Variants in MARCKS observed in about 807,000 individuals in gnomAD.
MARCKS encodes myristoylated alanine-rich C-kinase substrate.
In MARCKS, 4 loss-of-function variants were observed where a neutral mutation model predicts 6.3. The observed-to-expected ratio is 0.63, with a 90% CI of 0.31 to 1.45. MARCKS has a LOEUF of 1.45. MARCKS is among the 40% of genes most tolerant of loss of function. MARCKS has a pLI of 0.07. For synonymous variants in MARCKS, 289 were observed against 236.5 expected (o/e 1.22, Z -2.04); for missense variants, 636 against 485.7 (o/e 1.31, Z -2.91).
Position 113,860,031 on chromosome 6 carries a change from C to A in MARCKS, c.451C>A (p.Pro151Thr). 6.4e-7 allele frequency: 1 copy of A among 1,570,812 alleles called. No homozygotes were observed. The highest frequency in any genetic ancestry group is 8.6e-7 in the Non-Finnish European group (1 of 1,162,372). ...GATPSPSNET[P>T]KKKKKRFSFK... The stretch of plus-strand genomic sequence containing the variant: ...CACGCCCTCGCCCAGCAACGAGACC[C>A]CGAAAAAAAAAAAGAAGCGCTTTTC... Residue 151 changes from proline (P) to threonine (T), a missense_variant, in exon 2 of 2, where the codon CCG becomes ACG. Transcript: ENST00000612661.
At position 113,860,596 on chromosome 6, in the gene MARCKS, G is replaced by T; in HGVS notation, c.*17G>T. 6.6e-7 allele frequency: 1 copy of T among 1,521,732 alleles called. No homozygotes were observed. 94.3% of individuals were successfully genotyped at this position (1,521,732 alleles called of 1,614,324 possible). A position where few individuals can be genotyped will look rare whatever the true frequency, so the allele number is the denominator to read the frequency against. ...GCAGAGTAAAAGAGCAAGCTTTTGT[G>T]AGATAATCGAAGAACTTTTCTCCCC... On this transcript the variant is annotated 3_prime_UTR_variant, in exon 2 of 2. Coordinates refer to ENST00000612661, the MANE Select transcript of MARCKS (RefSeq NM_002356.7).
intron 1 of MARCKS, among the ~76,000 whole-genome samples, chr6:113,858,275 G>T (rs1294245134): frequency 6.6e-6 from 1 of 151,738 alleles, no homozygotes; most frequent in African/African-American, 2.4e-5. Context: ...GCGGGGGGGG[G>T]AGTCGGGAAA....
At chr6:113,858,279 C>A (rs1774819709) in intron 1 of MARCKS, among the ~76,000 whole-genome samples, 1 of 137,014 alleles carries the variant, frequency 7.3e-6, no homozygotes, top group Non-Finnish European at 1.6e-5. Context: ...GGGGGGGAGT[C>A]GGGAAAGGGG....
Position 113,860,363 on chromosome 6 carries a change from C to T in MARCKS, c.783C>T (p.Pro261=), listed in dbSNP as rs1213953887. Reference sequence around the variant, plus strand: ...ACGAGACCAAGGCCGCCGAGGAGCCCAGCAAGGTGGAGGAGAAAAAGGCCG... The same window carrying T: ...ACGAGACCAAGGCCGCCGAGGAGCCTAGCAAGGTGGAGGAGAAAAAGGCCG... The part of the protein sequence containing the change: ...ASDETKAAEE[P]SKVEEKKAEE... The change falls in exon 2 of 2, where the codon CCC becomes CCT. Residue 261 remains proline, a synonymous_variant. Transcript: ENST00000612661. The T allele has an allele frequency of 2.3e-6, 3 of 1,294,670 alleles. No individual in the cohort carries two copies. Among genetic ancestry groups the T allele is most frequent in the East Asian group, 5.6e-5 (1 of 17,780 alleles). 80.2% of individuals were successfully genotyped at this position (1,294,670 alleles called of 1,614,324 possible).
At position 113,857,514 on chromosome 6, in the gene MARCKS, C is replaced by A; in HGVS notation, c.-232C>A. 1.9e-6 allele frequency: 1 copy of A among 529,200 alleles called. No individual in the cohort carries two copies. The highest frequency in any genetic ancestry group is 2.2e-5 in the South Asian group (1 of 45,344). 32.8% of individuals were successfully genotyped at this position (529,200 alleles called of 1,614,324 possible). A position where few individuals can be genotyped will look rare whatever the true frequency, so the allele number is the denominator to read the frequency against. On this transcript the variant is annotated 5_prime_UTR_variant, in exon 1 of 2. Transcript: ENST00000612661. ...CGACTTTTCCACCCTTTTTCCCTCCCTCCTGTGCTGCTGCTTTTTGATCTC... is the reference window on the plus strand; with the variant it reads ...CGACTTTTCCACCCTTTTTCCCTCCATCCTGTGCTGCTGCTTTTTGATCTC...
Position 113,857,637 on chromosome 6 carries a change from C to T in MARCKS, c.-109C>T, listed in dbSNP as rs1774806656. The T allele has an allele frequency of 3.7e-5, 17 of 453,576 alleles. 1 individual carries two copies. The highest frequency in any genetic ancestry group is 6.6e-4 in the Middle Eastern group (1 of 1,504). 28.1% of individuals were successfully genotyped at this position (453,576 alleles called of 1,614,324 possible). A position where few individuals can be genotyped will look rare whatever the true frequency, so the allele number is the denominator to read the frequency against. On this transcript the variant is annotated 5_prime_UTR_variant, in exon 1 of 2. Transcript: ENST00000612661. ...CTCCCTCCGGTGTGTGTGCCGCTGC[C>T]GCTGTTGCCGCCGCCGCTGCTGCTG...
Position 113,860,131 on chromosome 6 carries a change from C to T in MARCKS, c.551C>T (p.Ala184Val), listed in dbSNP as rs763667695. The T allele has an allele frequency of 1.3e-4, 201 of 1,502,418 alleles. No individual in the cohort carries two copies. Among genetic ancestry groups the T allele is most frequent in the Non-Finnish European group, 1.6e-4 (184 of 1,123,464 alleles). 93.1% of individuals were successfully genotyped at this position (1,502,418 alleles called of 1,614,324 possible). ...AAGGAGGCTGGAGAAGGCGGTGAGG[C>T]TGAGGCGCCCGCTGCCGAAGGCGGC... ...NKKEAGEGGE[A>V]EAPAAEGGKD... The change falls in exon 2 of 2, where the codon GCT (alanine) becomes GTT (valine). Residue 184 changes from alanine to valine, a missense_variant. Transcript: ENST00000612661.
chr6:113,860,190 G>T lies in MARCKS; in HGVS notation c.610G>T (p.Ala204Ser). Residue 204 changes from alanine (A) to serine (S), a missense_variant, in exon 2 of 2, where the codon GCC becomes TCC. By Grantham distance (99) the Ala-to-Ser change is moderately conservative. Coordinates refer to ENST00000612661, the MANE Select transcript of MARCKS (RefSeq NM_002356.7). ...GGCCGCCGGGGGCGCAGCTGCGGCC[G>T]CCGCCGAGGCGGGCGCGGCCTCCGG... The part of the protein sequence containing the change: ...DEAAGGAAAA[A>S]AEAGAASGEQ... The T allele has an allele frequency of 8.5e-7, 1 of 1,171,704 alleles. No individual in the cohort carries two copies. 72.6% of individuals were successfully genotyped at this position (1,171,704 alleles called of 1,614,324 possible).
chr6:113,857,744 G>A lies in MARCKS; in HGVS notation c.-2G>A, dbSNP rs45564039. On this transcript the variant is annotated 5_prime_UTR_variant, in exon 1 of 2. Transcript: ENST00000612661. ...TTGAGTTTCTTTGTTGAAGAAGCCA[G>A]CATGGGTGCCCAGTTCTCCAAGACC... 5.9e-4 allele frequency: 952 copies of A among 1,602,706 alleles called. 5 individuals carry two copies. In the African/African-American group the frequency reaches 0.01, roughly 17 times the overall value.
Position 113,860,383 on chromosome 6 carries a change from A to T in MARCKS, c.803A>T (p.Lys268Met). 7.9e-7 allele frequency: 1 copy of T among 1,264,930 alleles called. No individual in the cohort carries two copies. The highest frequency in any genetic ancestry group is 1.0e-6 in the Non-Finnish European group (1 of 978,954). 78.4% of individuals were successfully genotyped at this position (1,264,930 alleles called of 1,614,324 possible). A position where few individuals can be genotyped will look rare whatever the true frequency, so the allele number is the denominator to read the frequency against. The change falls in exon 2 of 2, where the codon AAG becomes ATG. Residue 268 changes from lysine to methionine, a missense_variant. Transcript: ENST00000612661. ...AEEPSKVEEKKAEEAGASAAA... is the reference protein window; with the variant it reads ...AEEPSKVEEKMAEEAGASAAA... ...GAGCCCAGCAAGGTGGAGGAGAAAA[A>T]GGCCGAGGAGGCCGGGGCCAGCGCC...
At chr6:113,859,185 G>C (rs1266995723) in intron 1 of MARCKS, among the ~76,000 whole-genome samples, 2 of 152,202 alleles carry the variant, frequency 1.3e-5, no homozygotes, top group Non-Finnish European at 2.9e-5. Context: ...CTCGAGTGCT[G>C]TGATCCCCCT....
rs1364797153 is a variant in MARCKS at position 113,857,428 on chromosome 6, C to T, written c.-318C>T. 18 of 309,908 alleles carry T rather than the reference C, an allele frequency of 5.8e-5. No homozygotes were observed. The highest frequency in any genetic ancestry group is 1.8e-5 in the Non-Finnish European group (3 of 165,214). 19.2% of individuals were successfully genotyped at this position (309,908 alleles called of 1,614,324 possible). ...TCTTGTCTACAGTGCGGCTACAAAT[C>T]TGGGATTTTTTTATTACTTCTTTTT... is the stretch of plus-strand genomic sequence containing the variant. On this transcript the variant is annotated 5_prime_UTR_variant, in exon 1 of 2. Transcript: ENST00000612661.
At position 113,859,937 on chromosome 6, in the gene MARCKS, C is replaced by G. The variant is rs1774860338; in HGVS notation, c.357C>G (p.Pro119=). ...AEGEAAEPGS[P]TAAEGEAASA... ...GCGAGGCTGCCGAGCCCGGCTCGCC[C>G]ACGGCCGCGGAGGGAGAGGCCGCGT... The change falls in exon 2 of 2, where the codon CCC becomes CCG. Residue 119 remains proline, a synonymous_variant. Transcript: ENST00000612661. 6.7e-7 allele frequency: 1 copy of G among 1,483,068 alleles called. No homozygotes were observed. Among genetic ancestry groups the G allele is most frequent in the Non-Finnish European group, 8.9e-7 (1 of 1,121,396 alleles). The allele number at this position is 1,483,068 out of a possible 1,614,324, so 91.9% of individuals were successfully genotyped here. A position where few individuals can be genotyped will look rare whatever the true frequency, so the allele number is the denominator to read the frequency against.
chr6:113,860,478 G>A lies in MARCKS; in HGVS notation c.898G>A (p.Glu300Lys). The A allele has an allele frequency of 2.7e-6, 4 of 1,467,540 alleles. No individual in the cohort carries two copies. The highest frequency in any genetic ancestry group is 3.6e-6 in the Non-Finnish European group (4 of 1,103,422). The allele number at this position is 1,467,540 out of a possible 1,614,324, so 90.9% of individuals were successfully genotyped here. Residue 300 changes from glutamate to lysine, a missense_variant, in exon 2 of 2, where the codon GAG (glutamate) becomes AAG (lysine). Glu to Lys is a moderately conservative substitution (Grantham distance 56). Transcript: ENST00000612661. ...PPEQEAAPAE[E>K]PAAAAASSAC... is the part of the protein sequence containing the mutation. The stretch of plus-strand genomic sequence containing the variant: ...GGAGCAGGAGGCAGCCCCCGCGGAG[G>A]AGCCCGCGGCCGCCGCAGCCTCGTC...
At position 113,857,677 on chromosome 6, in the gene MARCKS, G is replaced by C; in HGVS notation, c.-69G>C. On this transcript the variant is annotated 5_prime_UTR_variant, in exon 1 of 2. Transcript: ENST00000612661. ...CGCTGCTGCTGCTGCTCGCCCCGTC[G>C]TTACACCAACCCGAGGCTCTTTGTT... 2 of 1,284,574 alleles carry C rather than the reference G, an allele frequency of 1.6e-6. No individual in the cohort carries two copies. Among genetic ancestry groups the C allele is most frequent in the Non-Finnish European group, 2.2e-6 (2 of 928,886 alleles). 79.6% of individuals were successfully genotyped at this position (1,284,574 alleles called of 1,614,324 possible). A position where few individuals can be genotyped will look rare whatever the true frequency, so the allele number is the denominator to read the frequency against.
In MARCKS at chr6:113,863,119, C is replaced by T. The variant is rs1038904326; in HGVS notation, c.*2540C>T. 7.2e-5 allele frequency: 11 copies of T among 152,136 alleles called. No homozygotes were observed. The highest frequency in any genetic ancestry group is 1.6e-4 in the Non-Finnish European group (11 of 68,016). The allele number at this position is 152,136 out of a possible 1,614,324, so 9.4% of individuals were successfully genotyped here. A position where few individuals can be genotyped will look rare whatever the true frequency, so the allele number is the denominator to read the frequency against. On this transcript the variant is annotated 3_prime_UTR_variant, in exon 2 of 2. Transcript: ENST00000612661. The stretch of plus-strand genomic sequence containing the variant: ...TTAACAGCTGGAATTTATTAAGATG[C>T]ATTATTTTGATTTTATTCACTGCCT...
chr6:113,862,415 C>CATTTTTTTTTTTTTT lies in MARCKS; in HGVS notation c.*1836_*1837insATTTTTTTTTTTTTT, dbSNP rs1562118784. ...GGGCCTTTAGCATAGTTTTAAGCAT[C>CATTTTTTTTTTTTTT]CTTTTTTTTTTTTTTTTTTGAAAGT... On this transcript the variant is annotated 3_prime_UTR_variant, in exon 2 of 2. Coordinates refer to ENST00000612661, the MANE Select transcript of MARCKS (RefSeq NM_002356.7). 1 of 87,460 alleles carries CATTTTTTTTTTTTTT rather than the reference C, an allele frequency of 1.1e-5. No homozygotes were observed. The highest frequency in any genetic ancestry group is 2.7e-5 in the Non-Finnish European group (1 of 37,352). 5.4% of individuals were successfully genotyped at this position (87,460 alleles called of 1,614,324 possible).
chr6:113,858,109 T>G (rs946851392), intron 1 of MARCKS, among the ~76,000 whole-genome samples: 1 of 152,230 alleles, frequency 6.6e-6, no homozygotes, highest in Middle Eastern at 3.4e-3. Flanking sequence ...GGTTTGGAGA[T>G]TGGCAGAACG....
In MARCKS at chr6:113,861,885, A is replaced by G. The variant is rs1448125928; in HGVS notation, c.*1306A>G. On this transcript the variant is annotated 3_prime_UTR_variant, in exon 2 of 2. Transcript: ENST00000612661. ...AATTTTTAGGAAGATCTTGCATGCC[A>G]TCAGGAGTAAATTTTATTGTGGTTC... The G allele has an allele frequency of 2.0e-5, 3 of 152,598 alleles. No homozygotes were observed. Among genetic ancestry groups the G allele is most frequent in the Admixed American group, 2.0e-4 (3 of 15,286 alleles). 9.5% of individuals were successfully genotyped at this position (152,598 alleles called of 1,614,324 possible).
Sources: allele counts gnomAD v4.1 joint callset (sites outside exome capture counted in the v4.1 genomes callset), GRCh38; gene constraint gnomAD v4.1.1; transcripts MANE v1.5; gene names NCBI Gene and HGNC (gene_info 2026-07-23, HGNC 2026-07-21).